The following PRPF31 variants were observed in gnomAD, a reference collection of about 807,000 sequenced individuals.
PRPF31 encodes U4/U6 small nuclear ribonucleoprotein Prp31.
A neutral mutation model predicts 60.4 loss-of-function variants in PRPF31; 12 were observed. The observed-to-expected ratio is 0.20, with a 90% CI of 0.13 to 0.32. The LOEUF (loss-of-function observed/expected upper bound fraction) is 0.32. Among genes scored for constraint, PRPF31 ranks in the 10% least tolerant of loss-of-function variants. The probability of loss-of-function intolerance (pLI) is 1.00; values close to 1 mark genes in which losing one functional copy is unlikely to be tolerated. For missense variants in PRPF31, 431 were observed against 687.1 expected (o/e 0.63, Z 4.17); for synonymous variants, 287 against 287.9 (o/e 1.00, Z 0.03).
intron 1 of PRPF31, among the ~76,000 whole-genome samples, chr19:54,116,625 C>T (rs1227131581): frequency 6.6e-6 from 1 of 152,246 alleles, no homozygotes; most frequent in Admixed American, 6.5e-5. Flanking sequence ...GCCTGGCAGA[C>T]AGGCTTTATC....
chr19:54,127,592 C>G (rs1382290028), intron 9 of PRPF31, among the ~76,000 whole-genome samples: 2 of 152,190 alleles, frequency 1.3e-5, no homozygotes, highest in African/African-American at 4.8e-5. Flanking sequence ...CCTTCCACAC[C>G]AGGATCTGTC....
In PRPF31 at chr19:54,115,776, CAG is replaced by C. The variant is rs2073612311; in HGVS notation, c.-29_-28del. Reference sequence around the variant, plus strand: ...ATCGGTGAGCGACTAACGCTAGAAACAGTGGTGCGCGGAGAGGAGAGGTGAGT... The same window carrying C: ...ATCGGTGAGCGACTAACGCTAGAAACTGGTGCGCGGAGAGGAGAGGTGAGT... On this transcript the variant is annotated 5_prime_UTR_variant, in exon 1 of 14. Coordinates refer to ENST00000321030, the MANE Select transcript of PRPF31 (RefSeq NM_015629.4). 8.0e-6 allele frequency: 2 copies of C among 249,290 alleles called. No individual in the cohort carries two copies. The highest frequency in any genetic ancestry group is 7.9e-6 in the Non-Finnish European group (1 of 126,484). The allele number at this position is 249,290 out of a possible 1,614,324, so 15.4% of individuals were successfully genotyped here.
At chr19:54,128,988 G>T in intron 11 of PRPF31, 69 bp from the exon 12 acceptor site, 3 of 1,481,918 alleles carry the variant, frequency 2.0e-6, no homozygotes, top group Non-Finnish European at 2.8e-6. Flanking sequence ...GGCTGGTGGA[G>T]GGGGTGCCTC....
At position 54,123,277 on chromosome 19, in the gene PRPF31, G is replaced by A. The variant is rs587746828; in HGVS notation, c.421-177G>A. 3 of 662,962 alleles carry A rather than the reference G, an allele frequency of 4.5e-6. No homozygotes were observed. The African/African-American group carries it at 5.4e-5, about 12-fold the overall frequency. 41.1% of individuals were successfully genotyped at this position (662,962 alleles called of 1,614,324 possible). On this transcript the variant is annotated intron_variant, in intron 5 of 13. Transcript: ENST00000321030. Reference sequence around the variant, plus strand: ...GGCAGATGGTGTGGATGCTTGACGTGGTGGAGGCAGGAATGGTGTGGATGC... The same window carrying A: ...GGCAGATGGTGTGGATGCTTGACGTAGTGGAGGCAGGAATGGTGTGGATGC...
intron 13 of PRPF31, 108 bp downstream of exon 13, chr19:54,129,478 T>C (rs770753618): frequency 2.2e-6 from 3 of 1,333,600 alleles, no homozygotes; most frequent in Non-Finnish European, 2.1e-6. Flanking sequence ...GGGGCTGTTG[T>C]GGAGGGTGTG....
At chr19:54,124,312 G>C (rs112171013) in intron 7 of PRPF31, 187 bp from the exon 8 acceptor site, 55 of 673,956 alleles carry the variant, frequency 8.2e-5, no homozygotes, top group African/African-American at 6.6e-4. Flanking sequence ...CTCCCTCTCT[G>C]AGCCTCCTTT....
At chr19:54,122,672 G>T (rs2073821499) in intron 5 of PRPF31, 78 bp downstream of exon 5, 2 of 1,192,154 alleles carry the variant, frequency 1.7e-6, no homozygotes, top group Non-Finnish European at 2.5e-6. Context: ...CCTCCCAGAG[G>T]CCTGAGGGTC....
rs148353051 is a variant in PRPF31 at position 54,131,393 on chromosome 19, C to G, written c.1461C>G (p.Leu487=). The part of the protein sequence containing the change: ...QKYFSSMAEF[L]KVKGEKSGLM... ...ATTTCTCCAGCATGGCTGAGTTCCT[C>G]AAGGTCAAGGGCGAGAAGAGTGGCC... Residue 487 remains leucine, a synonymous_variant, in exon 14 of 14, where the codon CTC becomes CTG. Coordinates refer to ENST00000321030, the MANE Select transcript of PRPF31 (RefSeq NM_015629.4). 261 of 1,614,120 alleles carry G rather than the reference C, an allele frequency of 1.6e-4. 3 individuals carry two copies. The African/African-American group carries it at 3.1e-3, about 19-fold the overall frequency.
rs1037423541 is a variant in PRPF31 at position 54,122,497 on chromosome 19, A to G, written c.323A>G (p.Asn108Ser). The G allele has an allele frequency of 6.2e-7, 1 of 1,612,236 alleles. No individual in the cohort carries two copies. ...NLTVEIENELNIIHKFIRDKY... is the reference protein window; with the variant it reads ...NLTVEIENELSIIHKFIRDKY... ...CAACCTCCTGTCCCGTTTACCCTAG[A>G]CATCATCCATAAGTTCATCCGGGAT... The change falls in exon 5 of 14, where the codon AAC becomes AGC. Residue 108 changes from asparagine to serine, a missense_variant and splice_region_variant. By Grantham distance (46) the Asn-to-Ser change is conservative (BLOSUM62 1). Coordinates refer to ENST00000321030, the MANE Select transcript of PRPF31 (RefSeq NM_015629.4).
intron 13 of PRPF31, among the ~76,000 whole-genome samples, chr19:54,130,955 C>T (rs2074035648): frequency 6.6e-6 from 1 of 152,156 alleles, no homozygotes; most frequent in Admixed American, 6.5e-5. Flanking sequence ...CCACTATGAT[C>T]GTCAGTGGTG....
intron 9 of PRPF31, 142 bp from the exon 10 acceptor site, chr19:54,127,931 G>T: frequency 2.5e-6 from 3 of 1,222,644 alleles, no homozygotes; most frequent in Non-Finnish European, 3.5e-6. Context: ...ACACCAAGAA[G>T]AAAAAGAAAG....
At chr19:54,131,267 C>G (rs756289248) in intron 13 of PRPF31, 40 bp from the exon 14 acceptor site, 2 of 1,612,704 alleles carry the variant, frequency 1.2e-6, no homozygotes, top group South Asian at 2.2e-5. Flanking sequence ...GGGGCCTTCT[C>G]CTCACCTAAC....
rs771252001 is a variant in PRPF31, at chr19:54,118,255, T to C, written c.-8-16T>C. 1.9e-6 allele frequency: 3 copies of C among 1,612,200 alleles called. No homozygotes were observed. The highest frequency in any genetic ancestry group is 1.7e-5 in the Admixed American group (1 of 59,966). On this transcript the variant is annotated splice_polypyrimidine_tract_variant and intron_variant, in intron 1 of 13. Coordinates refer to ENST00000321030, the MANE Select transcript of PRPF31 (RefSeq NM_015629.4). ...GTCGGGGCAAGTTTTTAGGGAACGC[T>C]GCTGTCCCTCCCCAGGCCTCGGGAT...
intron 13 of PRPF31, among the ~76,000 whole-genome samples, chr19:54,130,431 C>T (rs1025584977): frequency 3.3e-5 from 5 of 152,186 alleles, no homozygotes; most frequent in African/African-American, 1.2e-4. Flanking sequence ...CGAGACCATC[C>T]TGGCTAACAC....
At chr19:54,127,250 T>C (rs1382490870) in intron 9 of PRPF31, among the ~76,000 whole-genome samples, 2 of 152,130 alleles carry the variant, frequency 1.3e-5, no homozygotes, top group Non-Finnish European at 2.9e-5. Context: ...CAAGGGATAA[T>C]CCATTCCCTG....
intron 3 of PRPF31, chr19:54,119,700 T>G (rs2073740803): frequency 6.6e-6 from 1 of 152,150 alleles, no homozygotes; most frequent in South Asian, 2.1e-4. Context: ...TTCACCATGT[T>G]GACCAGGCTA....
At position 54,129,300 on chromosome 19, in the gene PRPF31, A is replaced by G. The variant is rs1318607765; in HGVS notation, c.1304A>G (p.Tyr435Cys). Residue 435 changes from tyrosine to cysteine, a missense_variant, in exon 13 of 14, where the codon TAT (tyrosine) becomes TGT (cysteine). This residue lies in a region of PRPF31 where 314 missense variants were observed against 475.3 expected (regional missense o/e 0.66). Coordinates refer to ENST00000321030, the MANE Select transcript of PRPF31 (RefSeq NM_015629.4). ...ACCCTGCAGAAGCAGAGCGTCGTAT[A>G]TGGCGGGAAGTCCACCATCCGCGAC... Reference protein sequence around the residue: ...QRTLQKQSVVYGGKSTIRDRS... With the variant: ...QRTLQKQSVVCGGKSTIRDRS... 4.3e-6 allele frequency: 7 copies of G among 1,610,146 alleles called. No homozygotes were observed. The highest frequency in any genetic ancestry group is 2.2e-5 in the East Asian group (1 of 44,686).
At position 54,129,137 on chromosome 19, in the gene PRPF31, G is replaced by A. The variant is rs1362799967; in HGVS notation, c.1227G>A (p.Gln409=). 6.3e-7 allele frequency: 1 copy of A among 1,582,176 alleles called. No homozygotes were observed. Among genetic ancestry groups the A allele is most frequent in the Non-Finnish European group, 8.6e-7 (1 of 1,164,906 alleles). The change falls in exon 12 of 14, where the codon CAG becomes CAA. Residue 409 remains glutamine (Q), a synonymous_variant. Coordinates refer to ENST00000321030, the MANE Select transcript of PRPF31 (RefSeq NM_015629.4). ...AGTCGGGCAGTGGGCGTGTGCGGCA[G>A]ACACAGGTAAACGAGGCCACCAAGG... ...LGKSGSGRVR[Q]TQVNEATKAR...
rs776437225 is a variant in PRPF31 at position 54,123,778 on chromosome 19, G to T, written c.557G>T (p.Arg186Leu). 1 of 1,610,944 alleles carries T rather than the reference G, an allele frequency of 6.2e-7. No individual in the cohort carries two copies. Among genetic ancestry groups the T allele is most frequent in the African/African-American group, 1.3e-5 (1 of 75,044 alleles). Residue 186 changes from arginine to leucine, a missense_variant, in exon 7 of 14, where the codon CGG becomes CTG. Arg to Leu is a moderately radical substitution (Grantham distance 102). Coordinates refer to ENST00000321030, the MANE Select transcript of PRPF31 (RefSeq NM_015629.4). ...CAGCTGTCGGAGGAGGAGCTGGAGC[G>T]GCTGGAGGAGGCCTGCGACATGGCG... ...GQQLSEEELE[R>L]LEEACDMALE...
Sources: allele counts gnomAD v4.1 joint callset (sites outside exome capture counted in the v4.1 genomes callset), GRCh38; gene constraint gnomAD v4.1.1; regional missense constraint gnomAD v4.1.1; transcripts MANE v1.5; gene names NCBI Gene and HGNC (gene_info 2026-07-23, HGNC 2026-07-21).